The following TACR3 variants were observed in gnomAD, a reference collection of about 807,000 sequenced individuals.
TACR3 encodes tachykinin receptor 3.
Under a neutral mutation model 35.0 loss-of-function variants are expected in TACR3, and 34 were observed. That is an observed-to-expected ratio of 0.97 (90% CI 0.74 to 1.30). The LOEUF (loss-of-function observed/expected upper bound fraction) is 1.30. Among genes scored for constraint, TACR3 ranks in the 50% most tolerant of loss-of-function variants. The pLI is 0.00. For missense variants in TACR3, 558 were observed against 591.7 expected, an observed-to-expected ratio of 0.94 and a Z score of 0.59; for synonymous variants, 233 against 221.1, an observed-to-expected ratio of 1.05 and a Z score of -0.48.
chr4:103,626,011 AC>A (rs544471405), intron 3 of TACR3, among the ~76,000 whole-genome samples: 20 of 152,184 alleles, frequency 1.3e-4, no homozygotes, highest in Non-Finnish European at 2.2e-4. Flanking sequence ...GGAAAAATCA[AC>A]CCAGCCTACA....
In TACR3 at chr4:103,657,950, A is replaced by AGGAATGTGCACAT. The variant is rs146705358; in HGVS notation, c.737+264_737+265insATGTGCACATTCC. 0.037 allele frequency among the ~76,000 whole-genome samples: 5,705 copies of AGGAATGTGCACAT among 152,206 alleles called. 138 individuals carry two copies. Among genetic ancestry groups the AGGAATGTGCACAT allele is most frequent in the Non-Finnish European group, 0.055 (3,720 of 67,990 alleles). On this transcript the variant is annotated intron_variant, in intron 2 of 4. Transcript: ENST00000304883. The stretch of plus-strand genomic sequence containing the variant: ...ATGCTTTTCTTTGCACATTGCTTTT[A>AGGAATGTGCACAT]TCTTTTATCACTTCCTTCAGGAAAC...
rs532807860 is a variant in TACR3 at position 103,699,928 on chromosome 4, T to C, written c.548+19200A>G. Among the ~76,000 whole-genome samples the C allele has an allele frequency of 2.6e-5, 4 of 152,204 alleles. No individual in the cohort carries two copies. In the South Asian group the frequency reaches 8.3e-4, roughly 32 times the overall value. Reference sequence around the variant, plus strand: ...TAAAACTCTGGATTACTGACAAGGGTTTTAAACTAGAGGTATTAATTATTA... The same window carrying C: ...TAAAACTCTGGATTACTGACAAGGGCTTTAAACTAGAGGTATTAATTATTA... On this transcript the variant is annotated intron_variant, in intron 1 of 4. Coordinates refer to ENST00000304883, the MANE Select transcript of TACR3 (RefSeq NM_001059.3).
chr4:103,673,452 G>A (rs1448042221), intron 1 of TACR3, among the ~76,000 whole-genome samples: 2 of 152,128 alleles, frequency 1.3e-5, no homozygotes, highest in Non-Finnish European at 2.9e-5. Flanking sequence ...TCAAGGAGAG[G>A]AAGAGAGTCA....
intron 1 of TACR3, among the ~76,000 whole-genome samples, chr4:103,704,578 T>G (rs1466211367): frequency 1.3e-5 from 2 of 152,178 alleles, no homozygotes; most frequent in South Asian, 4.1e-4. Flanking sequence ...AACTGTTTTA[T>G]AAAATCATCA....
At chr4:103,703,534 A>C (rs1226069126) in intron 1 of TACR3, among the ~76,000 whole-genome samples, 1 of 152,192 alleles carries the variant, frequency 6.6e-6, no homozygotes, top group Non-Finnish European at 1.5e-5. Flanking sequence ...AAAATTTCTC[A>C]TGTGTTAAAA....
chr4:103,713,199 A>G (rs542450203), intron 1 of TACR3, among the ~76,000 whole-genome samples: 47 of 152,024 alleles, frequency 3.1e-4, no homozygotes, highest in Non-Finnish European at 6.0e-4. Context: ...GGCACTACTC[A>G]CAATAGCAAA....
At position 103,698,213 on chromosome 4, in the gene TACR3, A is replaced by C. The variant is rs1201726859; in HGVS notation, c.548+20915T>G. Among the ~76,000 whole-genome samples the C allele has an allele frequency of 7.2e-5, 11 of 152,044 alleles. No individual in the cohort carries two copies. In the East Asian group the frequency reaches 1.3e-3, roughly 19 times the overall value. Reference sequence around the variant, plus strand: ...ATGTAGTTAGCTATGGGAAAAAAAAACTTTTACATATTCATTTATTTTGAA... The same window carrying C: ...ATGTAGTTAGCTATGGGAAAAAAAACCTTTTACATATTCATTTATTTTGAA... On this transcript the variant is annotated intron_variant, in intron 1 of 4. Transcript: ENST00000304883.
chr4:103,699,855 G>C (rs1722605347), intron 1 of TACR3, among the ~76,000 whole-genome samples: 1 of 147,708 alleles, frequency 6.8e-6, no homozygotes. Context: ...GTAAATCTGA[G>C]ATGACCCTCA....
intron 1 of TACR3, among the ~76,000 whole-genome samples, chr4:103,667,819 T>A (rs570667603): frequency 6.6e-6 from 1 of 152,268 alleles, no homozygotes; most frequent in African/African-American, 2.4e-5. Context: ...TTTTGAACTC[T>A]TAGCAGATTG....
intron 3 of TACR3, among the ~76,000 whole-genome samples, chr4:103,626,134 A>G (rs951145476): frequency 1.3e-5 from 2 of 152,156 alleles, no homozygotes; most frequent in East Asian, 3.9e-4. Flanking sequence ...TATCATTTTT[A>G]CCTTTCCCTC....
At chr4:103,676,979 T>C (rs1726183887) in intron 1 of TACR3, among the ~76,000 whole-genome samples, 1 of 152,098 alleles carries the variant, frequency 6.6e-6, no homozygotes, top group African/African-American at 2.4e-5. Context: ...ATGTCTAGTA[T>C]CCAGCATCTA....
chr4:103,689,709 TAA>T (rs1722356375), intron 1 of TACR3, among the ~76,000 whole-genome samples: 1 of 151,984 alleles, frequency 6.6e-6, no homozygotes, highest in African/African-American at 2.4e-5. Context: ...GAGACTCTAT[TAA>T]ATATACAAGC....
chr4:103,606,424 C>A (rs1216696039), intron 3 of TACR3, among the ~76,000 whole-genome samples: 1 of 152,162 alleles, frequency 6.6e-6, no homozygotes, highest in Non-Finnish European at 1.5e-5. Flanking sequence ...GCAGTATGGC[C>A]ATTTTCACAA....
chr4:103,680,403 T>C (rs1252019866), intron 1 of TACR3, among the ~76,000 whole-genome samples: 2 of 150,864 alleles, frequency 1.3e-5, no homozygotes, highest in Non-Finnish European at 1.5e-5. Flanking sequence ...CAACATGTAT[T>C]ATAATAGAAA....
chr4:103,687,944 G>T (rs375912991), intron 1 of TACR3, among the ~76,000 whole-genome samples: 1 of 151,924 alleles, frequency 6.6e-6, no homozygotes, highest in Non-Finnish European at 1.5e-5. Flanking sequence ...CGCCAAGTCA[G>T]TCCTAAGCCA....
In TACR3 at chr4:103,719,076, A is replaced by G. The variant is rs150048847; in HGVS notation, c.548+52T>C. 1.1e-3 allele frequency: 1,742 copies of G among 1,608,624 alleles called. 18 individuals are homozygous for G. The African/African-American group carries it at 0.02, about 18-fold the overall frequency. The stretch of plus-strand genomic sequence containing the variant: ...CCTTTGTAATCTTATCCCACCGCCC[A>G]GTTCTTTTCTTTCCCTTCTCCCTCT... On this transcript the variant is annotated intron_variant, in intron 1 of 4. Transcript: ENST00000304883.
At chr4:103,606,006 G>T (rs531301533) in intron 3 of TACR3, among the ~76,000 whole-genome samples, 1 of 151,852 alleles carries the variant, frequency 6.6e-6, no homozygotes, top group Non-Finnish European at 1.5e-5. Flanking sequence ...TTTGTATAAG[G>T]TGTAAGGAAG....
rs1033906002 is a variant in TACR3, at chr4:103,587,015, C to G, written c.*2667G>C. On this transcript the variant is annotated 3_prime_UTR_variant, in exon 5 of 5. Transcript: ENST00000304883. ...AAAAAACCTGGGCTGTTTTAACCAT[C>G]TGCCTAGTAGTCTGAGCCAGTGTTT... 2.0e-5 allele frequency: 3 copies of G among 151,990 alleles called. No homozygotes were observed. The highest frequency in any genetic ancestry group is 4.4e-5 in the Non-Finnish European group (3 of 68,004). 9.4% of individuals were successfully genotyped at this position (151,990 alleles called of 1,614,324 possible).
At chr4:103,600,967 C>G (rs148111921) in intron 3 of TACR3, among the ~76,000 whole-genome samples, 1 of 152,126 alleles carries the variant, frequency 6.6e-6, no homozygotes, top group Non-Finnish European at 1.5e-5. Flanking sequence ...CTGTAGGTGT[C>G]TATCAGGTCA....
Sources: gnomAD v4.1 joint callset for allele counts (sites outside exome capture counted in the v4.1 genomes callset) on GRCh38, gnomAD v4.1.1 for gene constraint, MANE v1.5 for transcripts, NCBI Gene and HGNC (gene_info 2026-07-23, HGNC 2026-07-21) for gene names.